GOSR1: variants seen among roughly 807,000 people sequenced by gnomAD.
GOSR1 encodes the protein 28 kDa Golgi SNARE protein.
Under a neutral mutation model 35.5 loss-of-function variants are expected in GOSR1, and 21 were observed. That is an observed-to-expected ratio of 0.59 (90% CI 0.42 to 0.85). The LOEUF (loss-of-function observed/expected upper bound fraction) is 0.85, where lower values mean the gene tolerates loss of function less well. GOSR1 is among the 40% of genes least tolerant of loss of function. The probability of loss-of-function intolerance (pLI) is 0.00; values close to 1 mark genes in which losing one functional copy is unlikely to be tolerated. For missense variants in GOSR1, 285 were observed against 309.6 expected (o/e 0.92, Z 0.60); for synonymous variants, 94 against 106.6 (o/e 0.88, Z 0.73).
intron 2 of GOSR1, among the ~76,000 whole-genome samples, chr17:30,483,927 A>G (rs1914511057): frequency 6.6e-6 from 1 of 152,250 alleles, no homozygotes; most frequent in Admixed American, 6.5e-5. Flanking sequence ...TTGGATTTAA[A>G]GCCAGTTCCT....
intron 8 of GOSR1, among the ~76,000 whole-genome samples, chr17:30,520,938 C>T (rs1437333384): frequency 2.0e-5 from 3 of 152,288 alleles, no homozygotes; most frequent in Middle Eastern, 3.4e-3. Context: ...TACATTATCT[C>T]ATTTTACTAA....
At chr17:30,510,982 G>A in intron 7 of GOSR1, 73 bp downstream of exon 7, 2 of 849,472 alleles carry the variant, frequency 2.4e-6, no homozygotes, top group South Asian at 3.0e-5. Flanking sequence ...CAGTGTTACA[G>A]CTGTTTTAGA....
chr17:30,494,898 G>A (rs1966936904), intron 6 of GOSR1, among the ~76,000 whole-genome samples: 1 of 150,000 alleles, frequency 6.7e-6, no homozygotes. Context: ...GTGAGGCAAT[G>A]TGCCCAGACT....
intron 7 of GOSR1, among the ~76,000 whole-genome samples, chr17:30,513,119 A>T (rs181068375): frequency 3.6e-4 from 55 of 152,302 alleles, no homozygotes; most frequent in African/African-American, 1.3e-3. Flanking sequence ...TGCATATTCC[A>T]TATGGAAAAA....
intron 7 of GOSR1, among the ~76,000 whole-genome samples, chr17:30,515,420 C>T (rs1479172994): frequency 1.3e-5 from 2 of 151,870 alleles, no homozygotes; most frequent in African/African-American, 4.8e-5. Flanking sequence ...TTAGGCCTCA[C>T]CATGCGTGAT....
chr17:30,493,976 C>T (rs1006596500), intron 6 of GOSR1, among the ~76,000 whole-genome samples: 2 of 152,134 alleles, frequency 1.3e-5, no homozygotes, highest in Admixed American at 1.3e-4. Flanking sequence ...TTAAAGAACA[C>T]ACTCATTTGC....
intron 7 of GOSR1, among the ~76,000 whole-genome samples, chr17:30,516,453 G>A (rs1461969034): frequency 7.8e-6 from 1 of 128,044 alleles, no homozygotes; most frequent in Non-Finnish European, 1.6e-5. Flanking sequence ...CTGGGTGACA[G>A]AGCAAGACTC....
At chr17:30,513,974 T>C (rs1357859838) in intron 7 of GOSR1, among the ~76,000 whole-genome samples, 2 of 152,204 alleles carry the variant, frequency 1.3e-5, no homozygotes, top group Non-Finnish European at 2.9e-5. Context: ...CAAAGATTGA[T>C]ATATGGGCCA....
At chr17:30,520,651 T>TGA (rs2143934281) in intron 8 of GOSR1, among the ~76,000 whole-genome samples, 1 of 152,342 alleles carries the variant, frequency 6.6e-6, no homozygotes, top group African/African-American at 2.4e-5. Context: ...AGCGAACCTC[T>TGA]GAAAAGACAA....
chr17:30,493,653 A>G (rs563864269), intron 6 of GOSR1, among the ~76,000 whole-genome samples: 25 of 152,336 alleles, frequency 1.6e-4, no homozygotes, highest in African/African-American at 6.0e-4. Context: ...TGCCTTTCAT[A>G]GTGCTCATTT....
At chr17:30,500,437 T>C (rs1424887592) in intron 6 of GOSR1, among the ~76,000 whole-genome samples, 2 of 152,198 alleles carry the variant, frequency 1.3e-5, no homozygotes, top group Admixed American at 6.5e-5. Context: ...CATTTTTTTT[T>C]AAACACATGT....
chr17:30,498,882 A>T (rs1418349718), intron 6 of GOSR1, among the ~76,000 whole-genome samples: 1 of 152,136 alleles, frequency 6.6e-6, no homozygotes, highest in Non-Finnish European at 1.5e-5. Context: ...TTACAGTAAA[A>T]ATGTATCCAT....
chr17:30,482,630 C>T (rs1177647690), intron 2 of GOSR1, among the ~76,000 whole-genome samples: 1 of 152,096 alleles, frequency 6.6e-6, no homozygotes, highest in African/African-American at 2.4e-5. Context: ...CACTCTAAAC[C>T]CTACTATAGT....
Position 30,525,946 on chromosome 17 carries a change from G to A in GOSR1, c.*3568G>A, listed in dbSNP as rs1480551375. ...ACCCAGGGCCACATGTAGACAGCTA[G>A]GCCAGTGCTTTTTCCTCTTAGGGTT... On this transcript the variant is annotated 3_prime_UTR_variant, in exon 9 of 9. Coordinates refer to ENST00000451249, the MANE Select transcript of GOSR1 (RefSeq NM_001007025.2). 2 of 152,238 alleles carry A rather than the reference G, an allele frequency of 1.3e-5. No homozygotes were observed. Among genetic ancestry groups the A allele is most frequent in the African/African-American group, 4.8e-5 (2 of 41,444 alleles). 9.4% of individuals were successfully genotyped at this position (152,238 alleles called of 1,614,324 possible).
intron 7 of GOSR1, among the ~76,000 whole-genome samples, chr17:30,517,298 G>A (rs1278917117): frequency 6.6e-6 from 1 of 152,138 alleles, no homozygotes; most frequent in Non-Finnish European, 1.5e-5. Context: ...TCAATCTCCT[G>A]GTAGTACCCC....
chr17:30,515,019 T>C (rs1967748225), intron 7 of GOSR1, among the ~76,000 whole-genome samples: 1 of 152,246 alleles, frequency 6.6e-6, no homozygotes, highest in African/African-American at 2.4e-5. Flanking sequence ...CCCTGTTTGC[T>C]CAGCCTCACT....
intron 7 of GOSR1, among the ~76,000 whole-genome samples, chr17:30,512,873 A>AT (rs1967664430): frequency 6.6e-6 from 1 of 152,198 alleles, no homozygotes; most frequent in Non-Finnish European, 1.5e-5. Flanking sequence ...GGCTGGTAAT[A>AT]TGAGTATAAA....
chr17:30,477,570 G>A, intron 1 of GOSR1, 106 bp downstream of exon 1: 1 of 1,426,964 alleles, frequency 7.0e-7, no homozygotes, highest in Non-Finnish European at 9.4e-7. Flanking sequence ...TCCCGGAGCG[G>A]CCGAGCTGAG....
chr17:30,496,406 T>A (rs1207501667), intron 6 of GOSR1, among the ~76,000 whole-genome samples: 1 of 152,240 alleles, frequency 6.6e-6, no homozygotes, highest in Non-Finnish European at 1.5e-5. Flanking sequence ...GCTGCTGCTC[T>A]GCCTGACTTG....
Sources: allele counts gnomAD v4.1 joint callset (sites outside exome capture counted in the v4.1 genomes callset), GRCh38; gene constraint gnomAD v4.1.1; transcripts MANE v1.5; gene names NCBI Gene and HGNC (gene_info 2026-07-23, HGNC 2026-07-21).